Variants in USP9X observed in about 807,000 individuals in gnomAD.
The protein encoded by USP9X is ubiquitin specific peptidase 9 X-linked, also known as ubiquitin carboxyl-terminal hydrolase 9X.
USP9X carries 7 observed loss-of-function variants against 190.3 expected under a neutral mutation model. That is an observed-to-expected ratio of 0.04 (90% CI 0.02 to 0.07). The LOEUF (loss-of-function observed/expected upper bound fraction) is 0.07, where lower values mean the gene tolerates loss of function less well. USP9X is among the 10% of genes least tolerant of loss of function. USP9X has a pLI of 1.00. For synonymous variants in USP9X, 645 were observed against 659.5 expected, an observed-to-expected ratio of 0.98 and a Z score of 0.34; for missense variants, 1,010 against 1,916.9, an observed-to-expected ratio of 0.53 and a Z score of 8.83.
intron 18 of USP9X, among the ~76,000 whole-genome samples, chrX:41,169,463 AT>A (rs1157014063): frequency 9.1e-6 from 1 of 110,355 alleles, no homozygotes; most frequent in African/African-American, 3.3e-5. Context: ...AAGGAGCAAT[AT>A]TTTTTTTTCT....
At chrX:41,172,958 C>T (rs1409833167) in intron 21 of USP9X, among the ~76,000 whole-genome samples, 2 of 111,506 alleles carry the variant, frequency 1.8e-5, no homozygotes, top group South Asian at 3.7e-4. Context: ...TGTGCCTTAG[C>T]GTTAAGTCTG....
intron 1 of USP9X, among the ~76,000 whole-genome samples, chrX:41,123,174 A>C (rs1313493890): frequency 9.0e-6 from 1 of 111,642 alleles, no homozygotes; most frequent in Non-Finnish European, 1.9e-5. Context: ...GAAAACAGAT[A>C]GTTTTTGCCG....
chrX:41,167,636 T>C lies in USP9X; in HGVS notation c.2424+59T>C, dbSNP rs936770747. On this transcript the variant is annotated intron_variant, in intron 17 of 44. Coordinates refer to ENST00000378308, the MANE Select transcript of USP9X (RefSeq NM_001039591.3). ...TAATTCTTTCGGCCCCCATTTCTCT[T>C]ATACAAAAGAGAAAAAATATTATCT... is the stretch of plus-strand genomic sequence containing the variant. 8 of 869,525 alleles carry C rather than the reference T, an allele frequency of 9.2e-6. No individual in the cohort carries two copies. The Admixed American group carries it at 9.7e-5, about 11-fold the overall frequency. 71.7% of individuals were successfully genotyped at this position (869,525 alleles called of 1,213,427 possible). A position where few individuals can be genotyped will look rare whatever the true frequency, so the allele number is the denominator to read the frequency against.
At chrX:41,197,591 G>T (rs2062996666) in intron 29 of USP9X, 81 bp downstream of exon 29, 2 of 854,819 alleles carry the variant, frequency 2.3e-6, no homozygotes, top group Admixed American at 3.7e-5. Context: ...ATTTATAGTA[G>T]TATCATGTCT....
chrX:41,188,152 C>T (rs1279987862), intron 25 of USP9X, 35 bp downstream of exon 25: 1 of 1,150,657 alleles, frequency 8.7e-7, no homozygotes, highest in Admixed American at 2.4e-5. Flanking sequence ...TCCTTGTAAA[C>T]AAATGTTTCT....
In USP9X at chrX:41,178,504, C is replaced by G. The variant is rs780729138; in HGVS notation, c.3149-5494C>G. On this transcript the variant is annotated intron_variant, in intron 21 of 44. Transcript: ENST00000378308. ...GTTATGTTGAGTGTGCTTTCATGTA[C>G]ATGTTGGCCATTTGGATGTCTTCTT... Among the ~76,000 whole-genome samples the G allele has an allele frequency of 2.7e-5, 3 of 111,415 alleles. No individual in the cohort carries two copies. The East Asian group carries it at 8.4e-4, about 31-fold the overall frequency.
rs142932102 is a variant in USP9X, at chrX:41,173,986, G to A, written c.3148+2028G>A. On this transcript the variant is annotated intron_variant, in intron 21 of 44. Coordinates refer to ENST00000378308, the MANE Select transcript of USP9X (RefSeq NM_001039591.3). The stretch of plus-strand genomic sequence containing the variant: ...AAAATTATAATACCATATTTTTACT[G>A]TACCCTTTCTATGTTTAAATACACA... 5.2e-3 allele frequency among the ~76,000 whole-genome samples: 582 copies of A among 111,669 alleles called. 2 individuals carry two copies. The highest frequency in any genetic ancestry group is 8.7e-3 in the Non-Finnish European group (461 of 53,060).
intron 1 of USP9X, among the ~76,000 whole-genome samples, chrX:41,106,187 C>T (rs1235052556): frequency 9.1e-6 from 1 of 110,190 alleles, no homozygotes; most frequent in Non-Finnish European, 1.9e-5. Context: ...GGTATTGTAT[C>T]TGTTAGAATC....
chrX:41,106,784 G>A (rs112848857), intron 1 of USP9X, among the ~76,000 whole-genome samples: 2 of 109,448 alleles, frequency 1.8e-5, no homozygotes, highest in African/African-American at 6.6e-5. Context: ...ACCAGTCTCG[G>A]CCTCCCAAAG....
chrX:41,198,425 AAATTC>A, intron 29 of USP9X, 98 bp from the exon 30 acceptor site: 3 of 474,430 alleles, frequency 6.3e-6, no homozygotes, highest in South Asian at 5.7e-5. Context: ...ATGAGATCTT[AAATTC>A]CAATGAGTAA....
intron 21 of USP9X, among the ~76,000 whole-genome samples, chrX:41,176,388 G>C (rs1380071378): frequency 9.0e-6 from 1 of 111,662 alleles, no homozygotes; most frequent in Admixed American, 9.5e-5. Context: ...GTCCAGGCAG[G>C]TACTTCAGTG....
intron 36 of USP9X, among the ~76,000 whole-genome samples, 167 bp from the exon 37 acceptor site, chrX:41,218,205 T>C (rs1398321306): frequency 1.3e-4 from 14 of 111,301 alleles, no homozygotes; most frequent in Non-Finnish European, 2.6e-4. Flanking sequence ...ATAGACCAAG[T>C]CATAGTATTT....
At chrX:41,186,705 T>A in intron 24 of USP9X, 63 bp downstream of exon 24, 1 of 1,126,739 alleles carries the variant, frequency 8.9e-7, no homozygotes, top group Non-Finnish European at 1.2e-6. Context: ...TTTTAATCAC[T>A]GTCTCATTCT....
intron 33 of USP9X, among the ~76,000 whole-genome samples, chrX:41,211,583 G>A (rs1445449971): frequency 1.8e-5 from 2 of 112,742 alleles, no homozygotes; most frequent in African/African-American, 6.4e-5. Flanking sequence ...GGGAGGTGAG[G>A]GGTGCCTCTG....
chrX:41,100,504 A>G (rs745359118), intron 1 of USP9X, among the ~76,000 whole-genome samples: 7 of 111,658 alleles, frequency 6.3e-5, no homozygotes, highest in East Asian at 2.8e-4. Flanking sequence ...AGTTCCTTCA[A>G]TCGTCCTTTT....
rs2062619867 is a variant in USP9X, at chrX:41,160,445, A to T, written c.1898-2345A>T. On this transcript the variant is annotated intron_variant, in intron 14 of 44. Coordinates refer to ENST00000378308, the MANE Select transcript of USP9X (RefSeq NM_001039591.3). ...ACTTTTATTGATTAGCTGTCAGCTG[A>T]ATGTTTCCAAAGTTCTACTCTTTGT... 2.7e-5 allele frequency among the ~76,000 whole-genome samples: 3 copies of T among 110,750 alleles called. No individual in the cohort carries two copies. The South Asian group carries it at 1.1e-3, about 42-fold the overall frequency.
intron 32 of USP9X, among the ~76,000 whole-genome samples, chrX:41,210,128 C>G (rs1416096136): frequency 8.9e-6 from 1 of 112,200 alleles, no homozygotes; most frequent in Non-Finnish European, 1.9e-5. Flanking sequence ...GTGATTGTAA[C>G]ATCCACATAA....
intron 1 of USP9X, among the ~76,000 whole-genome samples, chrX:41,112,936 T>C (rs2062120787): frequency 8.9e-6 from 1 of 112,597 alleles, no homozygotes; most frequent in African/African-American, 3.2e-5. Context: ...TAATGTTTGC[T>C]GTTTTTATTT....
In USP9X at chrX:41,229,236, A is replaced by G; in HGVS notation, c.7062-17A>G. ...TAGATTTTAGATGTTTTTATTTTAT[A>G]TCTGGTTCTCTTTCAGAATTCATAA... On this transcript the variant is annotated splice_polypyrimidine_tract_variant and intron_variant, in intron 41 of 44. Transcript: ENST00000378308. The G allele has an allele frequency of 8.7e-7, 1 of 1,154,279 alleles. No individual in the cohort carries two copies. Among genetic ancestry groups the G allele is most frequent in the East Asian group, 3.1e-5 (1 of 32,079 alleles).
Sources: gnomAD v4.1 joint callset for allele counts (sites outside exome capture counted in the v4.1 genomes callset) on GRCh38, gnomAD v4.1.1 for gene constraint, MANE v1.5 for transcripts, NCBI Gene and HGNC (gene_info 2026-07-23, HGNC 2026-07-21) for gene names.